The following PTRH1 variants were observed in gnomAD, a reference collection of about 807,000 sequenced individuals.
PTRH1 encodes peptidyl-tRNA hydrolase.
Under a neutral mutation model 15.7 loss-of-function variants are expected in PTRH1, and 13 were observed. The ratio of observed to expected loss-of-function variants is 0.83; its 90% confidence interval spans 0.54 to 1.31. PTRH1 has a LOEUF of 1.31. Among genes scored for constraint, PTRH1 ranks in the 40% most tolerant of loss-of-function variants. PTRH1 has a pLI of 0.00. For missense variants in PTRH1, 319 were observed against 296.2 expected, an observed-to-expected ratio of 1.08 and a Z score of -0.56; for synonymous variants, 139 against 136.7, an observed-to-expected ratio of 1.02 and a Z score of -0.12.
At chr9:127,696,348 A>G (rs984160332) in intron 1 of PTRH1, among the ~76,000 whole-genome samples, 2 of 152,168 alleles carry the variant, frequency 1.3e-5, no homozygotes, top group Non-Finnish European at 2.9e-5. Flanking sequence ...TAAATAATAT[A>G]TGGCACTTAT....
intron 1 of PTRH1, among the ~76,000 whole-genome samples, chr9:127,701,876 T>C (rs994097477): frequency 4.0e-5 from 6 of 150,440 alleles, no homozygotes; most frequent in Non-Finnish European, 7.4e-5. Flanking sequence ...ATCGCACCAT[T>C]GCACTCCAGC....
intron 1 of PTRH1, among the ~76,000 whole-genome samples, chr9:127,700,386 G>T (rs2131577310): frequency 6.6e-6 from 1 of 152,256 alleles, no homozygotes; most frequent in Admixed American, 6.5e-5. Context: ...TCCTCCTTGT[G>T]CTTTTGGAGC....
Position 127,714,202 on chromosome 9 carries a change from G to A in PTRH1, c.543C>T (p.Ser181=), listed in dbSNP as rs773696109. Residue 181 remains serine, a synonymous_variant, in exon 5 of 5, where the codon TCC becomes TCT. Transcript: ENST00000543175. ...GAGGCAGCAGCTCCTGCTCAGCAGGGGAGAAGCAGCCCAGCACATGGGCCT... is the reference window on the plus strand; with the variant it reads ...GAGGCAGCAGCTCCTGCTCAGCAGGAGAGAAGCAGCCCAGCACATGGGCCT... The part of the protein sequence containing the change: ...AVQAHVLGCF[S]PAEQELLPLL... 2.2e-5 allele frequency: 35 copies of A among 1,613,944 alleles called. No individual in the cohort carries two copies. Among genetic ancestry groups the A allele is most frequent in the Non-Finnish European group, 2.5e-5 (30 of 1,180,008 alleles).
rs934731594 is a variant in PTRH1, at chr9:127,707,258, T to C, written c.205+8177A>G. The C allele has an allele frequency of 7.0e-6, 11 of 1,564,966 alleles. No homozygotes were observed. In the Admixed American group the frequency reaches 8.7e-5, roughly 12 times the overall value. On this transcript the variant is annotated intron_variant, in intron 1 of 2. Transcript: ENST00000335223. ...GAAGCCCATGCCCAGGTGGCCCCCA[T>C]GCAGGTTTGGCCATGGGGCCTTAGG...
At chr9:127,712,659 T>C (rs756018572), downstream of PTRH1, 2 of 1,613,238 alleles carry the variant, frequency 1.2e-6, no homozygotes, top group Non-Finnish European at 1.7e-6. Context: ...TGGACGAGGG[T>C]GGGTACTGGG....
At chr9:127,696,884 G>C (rs915375890) in intron 1 of PTRH1, among the ~76,000 whole-genome samples, 1 of 151,992 alleles carries the variant, frequency 6.6e-6, no homozygotes, top group Non-Finnish European at 1.5e-5. Context: ...AAACATTCTC[G>C]GTATAAGCAG....
chr9:127,709,514 C>A (rs1425461192), downstream of PTRH1: 1 of 1,614,112 alleles, frequency 6.2e-7, no homozygotes, highest in South Asian at 1.1e-5. This position sits in a 1 kb window ranked among gnomAD's most constrained non-coding sequence, Gnocchi z 4.7. Flanking sequence ...GAGATTGTGG[C>A]CTTCCTCAAG....
At chr9:127,702,261 T>C (rs1842609913) in intron 1 of PTRH1, among the ~76,000 whole-genome samples, 2 of 151,436 alleles carry the variant, frequency 1.3e-5, no homozygotes, top group Non-Finnish European at 1.5e-5. Flanking sequence ...TAGTCCCAGC[T>C]ACTCGGGAGG....
downstream of PTRH1, chr9:127,712,980 C>G (rs1326448071): frequency 6.2e-7 from 1 of 1,603,716 alleles, no homozygotes; most frequent in Admixed American, 1.7e-5. Flanking sequence ...AGAAACCTGG[C>G]TCGCCGAAGG....
Position 127,715,402 on chromosome 9 carries a change from A to T in PTRH1, c.96+142T>A. 3 of 1,345,110 alleles carry T rather than the reference A, an allele frequency of 2.2e-6. No individual in the cohort carries two copies. The highest frequency in any genetic ancestry group is 3.1e-6 in the Non-Finnish European group (3 of 967,578). The allele number at this position is 1,345,110 out of a possible 1,614,324, so 83.3% of individuals were successfully genotyped here. A position where few individuals can be genotyped will look rare whatever the true frequency, so the allele number is the denominator to read the frequency against. ...GCCCTAGTGCAGGAACGGAGCTTCA[A>T]GAAGTTTGGAGCCCGTCGAGCACTG... On this transcript the variant is annotated intron_variant, in intron 1 of 4. Coordinates refer to ENST00000543175, the MANE Select transcript of PTRH1 (RefSeq NM_001002913.3). The surrounding 1 kb of genome is among the most constrained non-coding windows in gnomAD (Gnocchi z 5.8).
At chr9:127,712,290 C>A (rs1475456570), downstream of PTRH1, 2 of 1,614,020 alleles carry the variant, frequency 1.2e-6, no homozygotes, top group Non-Finnish European at 1.7e-6. Flanking sequence ...GCAGAAGGTT[C>A]GGGCCAGCCT....
Position 127,714,598 on chromosome 9 carries a change from C to A in PTRH1, c.416+5G>T. On this transcript the variant is annotated splice_donor_5th_base_variant and intron_variant, in intron 3 of 4. Transcript: ENST00000543175. The stretch of plus-strand genomic sequence containing the variant: ...ATCCCAACCCTGACCATCTCAGGAC[C>A]TCACCTGGCACTGCCCCCCAGCTTC... 6.2e-7 allele frequency: 1 copy of A among 1,613,374 alleles called. No homozygotes were observed. Among genetic ancestry groups the A allele is most frequent in the East Asian group, 2.2e-5 (1 of 44,860 alleles).
rs1842632937 is a variant in PTRH1, at chr9:127,705,115, TC to T, written c.206-9975del. ...GCCTAGGTTTCTTCCCTCCAAAGTC[TC>T]CCAGAGGTGACAGTGCCCCAGGCCA... is the stretch of plus-strand genomic sequence containing the variant. On this transcript the variant is annotated intron_variant, in intron 1 of 2. Coordinates refer to the PTRH1 transcript ENST00000335223. This position sits in a 1 kb window ranked among gnomAD's most constrained non-coding sequence, Gnocchi z 4.7. 1.3e-5 allele frequency among the ~76,000 whole-genome samples: 2 copies of T among 151,994 alleles called. No individual in the cohort carries two copies. The highest frequency in any genetic ancestry group is 1.3e-4 in the Admixed American group (2 of 15,264).
intron 1 of PTRH1, among the ~76,000 whole-genome samples, chr9:127,699,822 A>T (rs1842591343): frequency 6.6e-6 from 1 of 152,092 alleles, no homozygotes; most frequent in Non-Finnish European, 1.5e-5. Flanking sequence ...CATAATGGTC[A>T]CCAGATGGGC....
downstream of PTRH1, among the ~76,000 whole-genome samples, chr9:127,710,282 CAAAA>C (rs60165824): frequency 8.5e-5 from 7 of 82,616 alleles, no homozygotes; most frequent in Non-Finnish European, 9.6e-5. Context: ...GACCCTGTCT[CAAAA>C]AAAAAAAAAA....
chr9:127,704,642 C>G (rs1443975737), intron 1 of PTRH1, among the ~76,000 whole-genome samples: 1 of 152,102 alleles, frequency 6.6e-6, no homozygotes, highest in Non-Finnish European at 1.5e-5. Context: ...GCCTCTTAGA[C>G]TGGAGCTTAA....
downstream of PTRH1, chr9:127,712,717 C>T (rs370271059): frequency 2.2e-5 from 36 of 1,613,998 alleles, no homozygotes; most frequent in Admixed American, 1.7e-4. Context: ...AGATGCACCG[C>T]GATGAAGAGG....
Position 127,713,987 on chromosome 9 carries a change from C to CAGTCTAG in PTRH1, c.*106_*112dup. Reference sequence around the variant, plus strand: ...ACTTTAATCCGCAGGCAGCCTGGAACAGTCTAGAGGAGATTTGTATAAAAA... The same window carrying CAGTCTAG: ...ACTTTAATCCGCAGGCAGCCTGGAACAGTCTAGAGTCTAGAGGAGATTTGTATAAAAA... On this transcript the variant is annotated 3_prime_UTR_variant, in exon 5 of 5. Coordinates refer to ENST00000543175, the MANE Select transcript of PTRH1 (RefSeq NM_001002913.3). 6.3e-7 allele frequency: 1 copy of CAGTCTAG among 1,577,266 alleles called. No individual in the cohort carries two copies. Among genetic ancestry groups the CAGTCTAG allele is most frequent in the South Asian group, 1.1e-5 (1 of 90,166 alleles).
chr9:127,713,174 G>A (rs1182516409), downstream of PTRH1: 3 of 1,577,400 alleles, frequency 1.9e-6, no homozygotes, highest in Non-Finnish European at 2.6e-6. Context: ...TATCACCCGT[G>A]TGGGGACCTT....
Sources: gnomAD v4.1 joint callset for allele counts (sites outside exome capture counted in the v4.1 genomes callset) on GRCh38, gnomAD v4.1.1 for gene constraint, Gnocchi (gnomAD v3.1) non-coding constraint, MANE v1.5 for transcripts, NCBI Gene and HGNC (gene_info 2026-07-23, HGNC 2026-07-21) for gene names.